CSMD1: variants seen among roughly 807,000 people sequenced by gnomAD.
The protein encoded by CSMD1 is CUB and sushi domain-containing protein 1.
CSMD1 carries 213 observed loss-of-function variants against 417.5 expected under a neutral mutation model. The observed-to-expected ratio is 0.51, with a 90% CI of 0.46 to 0.57. The LOEUF is 0.57. Among genes scored for constraint, CSMD1 ranks in the 20% least tolerant of loss-of-function variants. The probability of loss-of-function intolerance (pLI) is 0.00; values close to 1 mark genes in which losing one functional copy is unlikely to be tolerated. For synonymous variants in CSMD1, 2,862 were observed against 1,736.8 expected, an observed-to-expected ratio of 1.65 and a Z score of -16.11; for missense variants, 6,923 against 4,529.7, an observed-to-expected ratio of 1.53 and a Z score of -15.17.
At chr8:4,232,512 A>G (rs903931099) in intron 3 of CSMD1, among the ~76,000 whole-genome samples, 1 of 152,172 alleles carries the variant, frequency 6.6e-6, no homozygotes, top group African/African-American at 2.4e-5. Flanking sequence ...CATGTCCTTT[A>G]AATTACACAC....
intron 3 of CSMD1, among the ~76,000 whole-genome samples, chr8:4,298,487 G>A (rs749543383): frequency 6.6e-6 from 1 of 152,058 alleles, no homozygotes; most frequent in Non-Finnish European, 1.5e-5. Flanking sequence ...TATATTATTT[G>A]AGTAATGGAT....
At chr8:3,659,160 C>G (rs1798280303) in intron 7 of CSMD1, among the ~76,000 whole-genome samples, 1 of 152,122 alleles carries the variant, frequency 6.6e-6, no homozygotes, top group African/African-American at 2.4e-5. Context: ...GTTGCAGATT[C>G]ATGGAATCAT....
intron 2 of CSMD1, among the ~76,000 whole-genome samples, chr8:4,551,030 T>C (rs1456148135): frequency 6.6e-6 from 1 of 152,190 alleles, no homozygotes; most frequent in African/African-American, 2.4e-5. Context: ...ATCCTGCCTT[T>C]TGAAGTAGTC....
Position 4,297,145 on chromosome 8 carries a change from T to A in CSMD1, c.415+122808A>T, listed in dbSNP as rs570822168. ...TTTAATCTTAATTGGCATAAAAATA[T>A]AAAACACATAAAATAGTCATGAATA... On this transcript the variant is annotated intron_variant, in intron 3 of 69. Coordinates refer to ENST00000635120, the MANE Select transcript of CSMD1 (RefSeq NM_033225.6). Among the ~76,000 whole-genome samples the A allele has an allele frequency of 1.4e-3, 211 of 152,224 alleles. 2 individuals carry two copies. The highest frequency in any genetic ancestry group is 5.0e-3 in the African/African-American group (208 of 41,548).
intron 7 of CSMD1, among the ~76,000 whole-genome samples, chr8:3,683,776 G>A (rs1327066195): frequency 6.6e-6 from 1 of 152,058 alleles, no homozygotes; most frequent in Non-Finnish European, 1.5e-5. Flanking sequence ...TGTTCTTCCA[G>A]TTAAACCACA....
intron 5 of CSMD1, among the ~76,000 whole-genome samples, chr8:3,761,239 G>GT (rs1797979934): frequency 6.6e-6 from 1 of 152,036 alleles, no homozygotes; most frequent in African/African-American, 2.4e-5. Flanking sequence ...TTAAAAGAAG[G>GT]TCTATGTGTG....
intron 4 of CSMD1, among the ~76,000 whole-genome samples, chr8:4,005,247 T>C (rs920783701): frequency 6.6e-6 from 1 of 151,560 alleles, no homozygotes; most frequent in Admixed American, 6.6e-5. Context: ...AACTTACTTA[T>C]GTAACCAAAC....
intron 7 of CSMD1, among the ~76,000 whole-genome samples, chr8:3,644,008 A>T (rs1797447833): frequency 6.6e-6 from 1 of 152,202 alleles, no homozygotes; most frequent in African/African-American, 2.4e-5. Context: ...CTGTTGTTTC[A>T]AAAACAACTG....
chr8:3,222,831 A>G (rs756522405), intron 28 of CSMD1, among the ~76,000 whole-genome samples: 11 of 152,212 alleles, frequency 7.2e-5, no homozygotes, highest in Non-Finnish European at 1.5e-4. Context: ...AAGATTCAGA[A>G]TCATAGAAAC....
chr8:3,745,900 G>C (rs1271366276), intron 6 of CSMD1, among the ~76,000 whole-genome samples: 1 of 152,166 alleles, frequency 6.6e-6, no homozygotes, highest in Non-Finnish European at 1.5e-5. Context: ...AGTCACTACA[G>C]CAGCTCGCCA....
intron 10 of CSMD1, among the ~76,000 whole-genome samples, chr8:3,558,333 A>AAT (rs1799266708): frequency 8.2e-6 from 1 of 122,652 alleles, no homozygotes; most frequent in Non-Finnish European, 1.9e-5. Flanking sequence ...ATGATGCCTC[A>AAT]GTAGTACCCC....
At chr8:3,406,987 C>A (rs6990027) in intron 14 of CSMD1, among the ~76,000 whole-genome samples, 3 of 151,818 alleles carry the variant, frequency 2.0e-5, no homozygotes, top group Admixed American at 6.6e-5. Context: ...GCATAAGTGG[C>A]TGAGTGGGTG....
chr8:3,120,636 C>G (rs545861934), intron 41 of CSMD1, among the ~76,000 whole-genome samples: 30 of 151,800 alleles, frequency 2.0e-4, no homozygotes, highest in South Asian at 4.2e-4. Flanking sequence ...ATCACAAGGT[C>G]AAGAGATTGA....
chr8:4,601,478 C>G (rs558148914), intron 2 of CSMD1, among the ~76,000 whole-genome samples: 58 of 152,178 alleles, frequency 3.8e-4, no homozygotes, highest in African/African-American at 1.4e-3. Flanking sequence ...GTTGGTAGGA[C>G]AGGTGTGATA....
chr8:3,097,964 C>T (rs867587709), intron 46 of CSMD1, among the ~76,000 whole-genome samples: 1 of 152,138 alleles, frequency 6.6e-6, no homozygotes. Flanking sequence ...TCTCCTCTTG[C>T]TTTTTGAAAA....
Position 3,500,619 on chromosome 8 carries a change from G to C in CSMD1, c.1345-6893C>G, listed in dbSNP as rs554974558. ...TGGTAGGGAGGACACCAAGAATATG[G>C]TGTTTTGTGAAAAATCCATAAAACT... On this transcript the variant is annotated intron_variant, in intron 10 of 69. Coordinates refer to ENST00000635120, the MANE Select transcript of CSMD1 (RefSeq NM_033225.6). Among the ~76,000 whole-genome samples the C allele has an allele frequency of 3.9e-5, 6 of 152,218 alleles. No individual in the cohort carries two copies. In the South Asian group the frequency reaches 1.2e-3, roughly 32 times the overall value.
At chr8:3,427,968 G>C (rs1375337405) in intron 12 of CSMD1, among the ~76,000 whole-genome samples, 1 of 152,162 alleles carries the variant, frequency 6.6e-6, no homozygotes, top group Non-Finnish European at 1.5e-5. Context: ...AAGGAATTTT[G>C]AATTTTAGAA....
chr8:3,180,753 T>G (rs1331087352), intron 37 of CSMD1, among the ~76,000 whole-genome samples: 1 of 152,000 alleles, frequency 6.6e-6, no homozygotes, highest in Non-Finnish European at 1.5e-5. Flanking sequence ...CCTCAGCCTC[T>G]TAGGTAGCTG....
chr8:4,217,521 G>A (rs752474539), intron 3 of CSMD1, among the ~76,000 whole-genome samples: 6 of 152,184 alleles, frequency 3.9e-5, no homozygotes, highest in Non-Finnish European at 8.8e-5. Context: ...GGAGGGAGAA[G>A]GTGGTGGTGG....
Sources: gnomAD v4.1 joint callset for allele counts (sites outside exome capture counted in the v4.1 genomes callset) on GRCh38, gnomAD v4.1.1 for gene constraint, MANE v1.5 for transcripts, NCBI Gene and HGNC (gene_info 2026-07-23, HGNC 2026-07-21) for gene names.